The following RANBP2 variants were observed in gnomAD, a reference collection of about 807,000 sequenced individuals.
RANBP2 encodes the protein RAN binding protein 2, also known as E3 SUMO-protein ligase RanBP2.
RANBP2 carries 57 observed loss-of-function variants against 303.6 expected under a neutral mutation model. That is an observed-to-expected ratio of 0.19 (90% CI 0.15 to 0.23). RANBP2 has a LOEUF of 0.23. Among genes scored for constraint, RANBP2 ranks in the 10% least tolerant of loss-of-function variants. RANBP2 has a pLI of 1.00. For missense variants in RANBP2, 3,138 were observed against 3,780.8 expected (o/e 0.83, Z 4.46); for synonymous variants, 1,167 against 1,301.5 (o/e 0.90, Z 2.23).
chr2:109,479,244 A>G, the RANBP2 span, among the ~76,000 whole-genome samples: 1 of 152,138 alleles, frequency 6.6e-6, no homozygotes, highest in South Asian at 2.1e-4. Flanking sequence ...GGATGTCACA[A>G]GAGGTCTGCC....
At chr2:108,760,593 TATAAAATC>T (rs1319370355) in intron 18 of RANBP2, among the ~76,000 whole-genome samples, 1 of 152,214 alleles carries the variant, frequency 6.6e-6, no homozygotes, top group Non-Finnish European at 1.5e-5. Flanking sequence ...CTTACTGGTT[TATAAAATC>T]CTTTGCCAAT....
chr2:108,937,308 G>A, the RANBP2 span, among the ~76,000 whole-genome samples: 78 of 152,358 alleles, frequency 5.1e-4, no homozygotes, highest in Non-Finnish European at 9.8e-4. Flanking sequence ...GGTGGGCTGT[G>A]TCCCTGCATT....
At chr2:108,826,637 A>G in the RANBP2 span, among the ~76,000 whole-genome samples, 6 of 152,110 alleles carry the variant, frequency 3.9e-5, no homozygotes, top group African/African-American at 4.8e-5. Flanking sequence ...CCGGTGTCAC[A>G]CTCGATTCAT....
chr2:109,165,658 C>A, the RANBP2 span, among the ~76,000 whole-genome samples: 1 of 152,178 alleles, frequency 6.6e-6, no homozygotes, highest in African/African-American at 2.4e-5. Flanking sequence ...AGTGAAAAGG[C>A]CACACTTGGA....
chr2:109,192,169 C>T, the RANBP2 span, among the ~76,000 whole-genome samples: 1 of 152,162 alleles, frequency 6.6e-6, no homozygotes, highest in Non-Finnish European at 1.5e-5. Context: ...TTCGGTTCTA[C>T]ATATGGCACT....
At chr2:109,736,501 T>A in the RANBP2 span, among the ~76,000 whole-genome samples, 1 of 152,174 alleles carries the variant, frequency 6.6e-6, no homozygotes, top group Non-Finnish European at 1.5e-5. Context: ...TTGTACACAT[T>A]TAGTTAATTT....
At chr2:109,130,816 C>T in the RANBP2 span, among the ~76,000 whole-genome samples, 4 of 152,114 alleles carry the variant, frequency 2.6e-5, no homozygotes, top group Non-Finnish European at 5.9e-5. Context: ...TTCGCTGCTT[C>T]TGTTTTAGAC....
intron 6 of RANBP2, among the ~76,000 whole-genome samples, chr2:108,737,074 G>A (rs1399901759): frequency 6.7e-6 from 1 of 150,356 alleles, no homozygotes; most frequent in African/African-American, 2.5e-5. Context: ...TCCCCATCTG[G>A]TATAAGGAAA....
the RANBP2 span, among the ~76,000 whole-genome samples, chr2:109,489,731 T>A: frequency 7.9e-6 from 1 of 126,566 alleles, no homozygotes; most frequent in African/African-American, 3.0e-5. Flanking sequence ...CGGACAAGGT[T>A]TTTTTTGGCG....
chr2:108,763,089 A>T, intron 19 of RANBP2, 148 bp from the exon 20 acceptor site: 1 of 971,000 alleles, frequency 1.0e-6, no homozygotes, highest in South Asian at 1.4e-5. Flanking sequence ...AGCCTCTGGC[A>T]TAAACGGGTT....
At chr2:109,054,108 C>T in the RANBP2 span, among the ~76,000 whole-genome samples, 7 of 152,162 alleles carry the variant, frequency 4.6e-5, no homozygotes, top group African/African-American at 1.7e-4. Flanking sequence ...CTGGCACATC[C>T]ATCTATGTGC....
the RANBP2 span, among the ~76,000 whole-genome samples, chr2:109,166,686 G>A: frequency 2.0e-5 from 3 of 152,196 alleles, no homozygotes; most frequent in Non-Finnish European, 4.4e-5. Context: ...ATAAAGACCT[G>A]AAGTTCTTTT....
chr2:109,283,753 G>T, the RANBP2 span, among the ~76,000 whole-genome samples: 1 of 152,212 alleles, frequency 6.6e-6, no homozygotes, highest in Non-Finnish European at 1.5e-5. Context: ...GAGGTGCTAC[G>T]TGCTGGATTT....
the RANBP2 span, among the ~76,000 whole-genome samples, chr2:108,899,739 A>G: frequency 2.6e-5 from 4 of 152,228 alleles, no homozygotes; most frequent in Admixed American, 1.3e-4. Context: ...TAATCCAAGC[A>G]CTTCGGGAGG....
At chr2:108,989,821 G>GC in the RANBP2 span, among the ~76,000 whole-genome samples, 1 of 151,772 alleles carries the variant, frequency 6.6e-6, no homozygotes, top group Non-Finnish European at 1.5e-5. Context: ...TGATTGGGGG[G>GC]GGGAAAACAG....
chr2:109,618,882 A>G, the RANBP2 span: 3 of 167,056 alleles, frequency 1.8e-5, no homozygotes, highest in South Asian at 2.1e-4. Context: ...CACGCCTGCA[A>G]TCTTGGAGTC....
chr2:108,821,851 G>A, the RANBP2 span, among the ~76,000 whole-genome samples: 4 of 151,618 alleles, frequency 2.6e-5, no homozygotes, highest in African/African-American at 7.3e-5. Context: ...AGGCTGAGGC[G>A]GGAGAATTGC....
At chr2:108,750,836 A>G (rs1675826111) in intron 9 of RANBP2, among the ~76,000 whole-genome samples, 1 of 152,186 alleles carries the variant, frequency 6.6e-6, no homozygotes, top group Non-Finnish European at 1.5e-5. Context: ...GAACCTTTTC[A>G]ATATTGACTT....
chr2:109,525,945 T>G, the RANBP2 span, among the ~76,000 whole-genome samples: 4 of 152,256 alleles, frequency 2.6e-5, no homozygotes, highest in African/African-American at 7.2e-5. Context: ...CTCAGAAGCC[T>G]CAGCATTAAC....
Sources: gnomAD v4.1 joint callset for allele counts (sites outside exome capture counted in the v4.1 genomes callset) on GRCh38, gnomAD v4.1.1 for gene constraint, MANE v1.5 for transcripts, NCBI Gene and HGNC (gene_info 2026-07-23, HGNC 2026-07-21) for gene names.